The following UNC5C variants were observed in gnomAD, a reference collection of about 807,000 sequenced individuals.
UNC5C encodes netrin receptor UNC5C.
A neutral mutation model predicts 99.8 loss-of-function variants in UNC5C; 47 were observed. The observed-to-expected ratio is 0.47, with a 90% CI of 0.37 to 0.60. The LOEUF (loss-of-function observed/expected upper bound fraction) is 0.60, where lower values mean the gene tolerates loss of function less well. UNC5C is among the 20% of genes least tolerant of loss of function. UNC5C has a pLI of 0.00. For missense variants in UNC5C, 1,062 were observed against 1,165.9 expected, an observed-to-expected ratio of 0.91 and a Z score of 1.30; for synonymous variants, 487 against 452.2, an observed-to-expected ratio of 1.08 and a Z score of -0.98.
At chr4:95,242,322 T>C in intron 7 of UNC5C, 107 bp downstream of exon 7, 1 of 1,450,496 alleles carries the variant, frequency 6.9e-7, no homozygotes, top group Non-Finnish European at 9.3e-7. Flanking sequence ...GTTATTGCAT[T>C]TTATTGTTGT....
intron 12 of UNC5C, among the ~76,000 whole-genome samples, chr4:95,191,190 T>C (rs1449105198): frequency 6.6e-6 from 1 of 152,040 alleles, no homozygotes; most frequent in Admixed American, 6.5e-5. Context: ...AGCCCCCGAG[T>C]TTCCCACTCT....
chr4:95,533,100 A>G (rs1286167497), intron 1 of UNC5C, among the ~76,000 whole-genome samples: 1 of 152,058 alleles, frequency 6.6e-6, no homozygotes, highest in East Asian at 1.9e-4. Context: ...ATCATTAAGT[A>G]ACAACTTTAT....
rs1746667537 is a variant in UNC5C, at chr4:95,432,765, T to C, written c.125-97134A>G. On this transcript the variant is annotated intron_variant, in intron 1 of 15. Transcript: ENST00000453304. ...CATCAATAAAAGGGAAATGTTTTCA[T>C]TGAAAACATGGGGAGATCAAGCACA... 2.0e-5 allele frequency among the ~76,000 whole-genome samples: 3 copies of C among 152,106 alleles called. No individual in the cohort carries two copies. The South Asian group carries it at 6.2e-4, about 31-fold the overall frequency.
At chr4:95,449,815 T>A (rs1747230796) in intron 1 of UNC5C, among the ~76,000 whole-genome samples, 1 of 152,204 alleles carries the variant, frequency 6.6e-6, no homozygotes, top group Non-Finnish European at 1.5e-5. Flanking sequence ...ATAAAGTCAT[T>A]TAAGTTTTAG....
chr4:95,297,095 C>G (rs1181684604), intron 3 of UNC5C, among the ~76,000 whole-genome samples: 1 of 152,172 alleles, frequency 6.6e-6, no homozygotes, highest in African/African-American at 2.4e-5. Context: ...GAATACAGGT[C>G]TGCTCACCCC....
At chr4:95,418,422 T>G (rs1746229838) in intron 1 of UNC5C, among the ~76,000 whole-genome samples, 1 of 152,178 alleles carries the variant, frequency 6.6e-6, no homozygotes. Context: ...TTTAAGCAAT[T>G]TTTAGACTAA....
At chr4:95,484,877 T>C (rs1169106056) in intron 1 of UNC5C, among the ~76,000 whole-genome samples, 1 of 151,872 alleles carries the variant, frequency 6.6e-6, no homozygotes, top group East Asian at 1.9e-4. Flanking sequence ...GAAGGTAAAG[T>C]CAAATCATTT....
chr4:95,416,848 G>C (rs921413517), intron 1 of UNC5C, among the ~76,000 whole-genome samples: 3 of 152,156 alleles, frequency 2.0e-5, no homozygotes, highest in Non-Finnish European at 4.4e-5. Flanking sequence ...AGCTAGCAGA[G>C]TGCCCATCCT....
intron 1 of UNC5C, among the ~76,000 whole-genome samples, chr4:95,393,079 C>A (rs1173171779): frequency 6.6e-6 from 1 of 152,096 alleles, no homozygotes; most frequent in Admixed American, 6.6e-5. Context: ...GATTTCTACC[C>A]TTGGGGAAAG....
chr4:95,221,171 T>G (rs928335264), intron 7 of UNC5C, among the ~76,000 whole-genome samples: 1 of 152,202 alleles, frequency 6.6e-6, no homozygotes, highest in African/African-American at 2.4e-5. Flanking sequence ...TGTGGACCCC[T>G]TTGACATTTT....
intron 1 of UNC5C, among the ~76,000 whole-genome samples, chr4:95,398,999 G>A (rs1046074465): frequency 1.3e-5 from 2 of 152,174 alleles, no homozygotes; most frequent in Admixed American, 6.5e-5. Context: ...CAGGAAAACT[G>A]TAGAATCTAG....
chr4:95,263,034 C>T (rs563329481), intron 4 of UNC5C, among the ~76,000 whole-genome samples: 111 of 152,150 alleles, frequency 7.3e-4, no homozygotes, highest in Middle Eastern at 3.4e-3. Flanking sequence ...AGGCTGGTCT[C>T]GAACTCCTGA....
chr4:95,177,115 C>G (rs968888510), intron 14 of UNC5C, among the ~76,000 whole-genome samples: 5 of 152,166 alleles, frequency 3.3e-5, no homozygotes, highest in South Asian at 2.1e-4. Context: ...GCACGGTGCG[C>G]GCACCCACTG....
At chr4:95,180,181 G>GATA (rs1201115172) in intron 14 of UNC5C, among the ~76,000 whole-genome samples, 1 of 152,162 alleles carries the variant, frequency 6.6e-6, no homozygotes, top group African/African-American at 2.4e-5. Context: ...ACTGGCCCAA[G>GATA]ATAATATTCT....
chr4:95,450,949 ATG>A (rs1352264794), intron 1 of UNC5C, among the ~76,000 whole-genome samples: 3 of 152,204 alleles, frequency 2.0e-5, no homozygotes, highest in Non-Finnish European at 4.4e-5. Flanking sequence ...TAAAGAACAT[ATG>A]TAAAAGTGCC....
At chr4:95,482,801 T>C (rs1386337895) in intron 1 of UNC5C, among the ~76,000 whole-genome samples, 2 of 122,906 alleles carry the variant, frequency 1.6e-5, no homozygotes, top group Non-Finnish European at 3.3e-5. Flanking sequence ...TAGATGGGAA[T>C]TGAACAATGA....
chr4:95,166,828 A>G lies in UNC5C; in HGVS notation c.*2406T>C, dbSNP rs1735874767. The G allele has an allele frequency of 6.6e-6, 1 of 152,070 alleles. No individual in the cohort carries two copies. Among genetic ancestry groups the G allele is most frequent in the African/African-American group, 2.4e-5 (1 of 41,398 alleles). The allele number at this position is 152,070 out of a possible 1,614,324, so 9.4% of individuals were successfully genotyped here. A position where few individuals can be genotyped will look rare whatever the true frequency, so the allele number is the denominator to read the frequency against. On this transcript the variant is annotated 3_prime_UTR_variant, in exon 16 of 16. Coordinates refer to ENST00000453304, the MANE Select transcript of UNC5C (RefSeq NM_003728.4). ...AATGTGTGTGTATAACTGCGTGTATATATATTTGATTTTTAATTTAGAATA... is the reference window on the plus strand; with the variant it reads ...AATGTGTGTGTATAACTGCGTGTATGTATATTTGATTTTTAATTTAGAATA...
At chr4:95,481,011 C>A (rs1348975044) in intron 1 of UNC5C, among the ~76,000 whole-genome samples, 1 of 149,652 alleles carries the variant, frequency 6.7e-6, no homozygotes, top group Non-Finnish European at 1.5e-5. Context: ...CTGGCCAGGG[C>A]AATTAGGCAG....
At chr4:95,442,504 G>C (rs550193687) in intron 1 of UNC5C, among the ~76,000 whole-genome samples, 1 of 149,962 alleles carries the variant, frequency 6.7e-6, no homozygotes, top group Admixed American at 6.7e-5. Context: ...CATCAAGCCC[G>C]CCTGTTTTTT....
Sources: allele counts gnomAD v4.1 joint callset (sites outside exome capture counted in the v4.1 genomes callset), GRCh38; gene constraint gnomAD v4.1.1; transcripts MANE v1.5; gene names NCBI Gene and HGNC (gene_info 2026-07-23, HGNC 2026-07-21).